The following PRC1 variants were observed in gnomAD, a reference collection of about 807,000 sequenced individuals.
PRC1 encodes the protein anaphase spindle elongation 1 homolog.
Under a neutral mutation model 91.2 loss-of-function variants are expected in PRC1, and 54 were observed. That is an observed-to-expected ratio of 0.59 (90% CI 0.48 to 0.74). PRC1 has a LOEUF of 0.74. Ranked by LOEUF, PRC1 falls within the 30% of genes least tolerant of loss-of-function variation. The pLI is 0.00. For missense variants in PRC1, 727 were observed against 746.2 expected, an observed-to-expected ratio of 0.97 and a Z score of 0.30; for synonymous variants, 275 against 263.6, an observed-to-expected ratio of 1.04 and a Z score of -0.42.
intron 14 of PRC1, chr15:90,967,879 CA>C: frequency 1.0e-6 from 1 of 985,444 alleles, no homozygotes. Context: ...GGTAAGTAGG[CA>C]ACAAGCTTTG....
rs2039427934 is a variant in PRC1 at position 90,984,322 on chromosome 15, G to A, written c.145-182C>T. The stretch of plus-strand genomic sequence containing the variant: ...CGGCTCACTGCAACCTCTACCTTCC[G>A]GGTTCAATAGATTCTCCTGTCTCAG... On this transcript the variant is annotated intron_variant, in intron 2 of 14. Transcript: ENST00000394249. This position sits in a 1 kb window ranked among gnomAD's most constrained non-coding sequence, Gnocchi z 5.1. Among the ~76,000 whole-genome samples, 2 of 152,048 alleles carry A rather than the reference G, an allele frequency of 1.3e-5. No homozygotes were observed. Among genetic ancestry groups the A allele is most frequent in the Non-Finnish European group, 2.9e-5 (2 of 68,022 alleles).
intron 12 of PRC1, 101 bp downstream of exon 12, chr15:90,970,303 C>A (rs781197674): frequency 1.2e-4 from 104 of 884,014 alleles, no homozygotes; most frequent in Middle Eastern, 6.4e-4. Context: ...CAATAAGAAC[C>A]AAATCCAGGG....
rs2151491565 is a variant in PRC1 at position 90,976,698 on chromosome 15, T to C, written c.1181A>G (p.Lys394Arg). Residue 394 changes from lysine to arginine, a missense_variant, in exon 9 of 15, where the codon AAG (lysine) becomes AGG (arginine). Physicochemically the swap from Lys to Arg is conservative, Grantham distance 26. Transcript: ENST00000394249. ...NLLKEEKQRAKLQKMLPKLEE... is the reference protein window; with the variant it reads ...NLLKEEKQRARLQKMLPKLEE... ...TACCTTGGGCAGCATTTTCTGGAGC[T>C]TGGCTCGTTGTTTTTCTTCTTTTAG... 3.7e-6 allele frequency: 6 copies of C among 1,613,300 alleles called. No individual in the cohort carries two copies. Among genetic ancestry groups the C allele is most frequent in the Non-Finnish European group, 5.1e-6 (6 of 1,179,262 alleles).
intron 13 of PRC1, 120 bp from the exon 14 acceptor site, chr15:90,969,240 TA>T (rs2037831256): frequency 7.9e-7 from 1 of 1,259,174 alleles, no homozygotes; most frequent in East Asian, 2.4e-5. Context: ...GGATCCAGGT[TA>T]AATGTCTAGT....
chr15:90,978,708 G>A (rs28708411), intron 8 of PRC1, among the ~76,000 whole-genome samples: 17,374 of 133,548 alleles, frequency 0.13, 2,099 homozygotes, highest in African/African-American at 0.33. Context: ...AGCCAAGATC[G>A]CACCATTGCA....
At chr15:90,982,006 T>C (rs982067871) in intron 3 of PRC1, 25 bp from the exon 4 acceptor site, 12 of 1,593,162 alleles carry the variant, frequency 7.5e-6, no homozygotes, top group Non-Finnish European at 9.5e-6. Flanking sequence ...GTACCACTGT[T>C]ATAAGATTCC....
chr15:90,969,228 A>C, intron 13 of PRC1, 108 bp from the exon 14 acceptor site: 5 of 1,311,642 alleles, frequency 3.8e-6, no homozygotes, highest in Non-Finnish European at 5.4e-6. Context: ...TATTAAGCAG[A>C]AGGATCCAGG....
chr15:90,979,419 G>T, intron 7 of PRC1, 125 bp from the exon 8 acceptor site: 1 of 1,125,914 alleles, frequency 8.9e-7, no homozygotes, highest in Non-Finnish European at 1.3e-6. Context: ...ACAGGAAGAG[G>T]CGTGTGTGTG....
chr15:90,984,570 A>G lies in PRC1; in HGVS notation c.144+123T>C. The G allele has an allele frequency of 7.0e-7, 1 of 1,424,648 alleles. No individual in the cohort carries two copies. The allele number at this position is 1,424,648 out of a possible 1,614,324, so 88.3% of individuals were successfully genotyped here. On this transcript the variant is annotated intron_variant, in intron 2 of 14. Coordinates refer to ENST00000394249, the MANE Select transcript of PRC1 (RefSeq NM_003981.4). This position sits in a 1 kb window ranked among gnomAD's most constrained non-coding sequence, Gnocchi z 5.1. ...AGGGACTTCAAAACCAAACCAAACC[A>G]AACAGGAAGAGCCTGTGCTATCCTA... is the stretch of plus-strand genomic sequence containing the variant.
At chr15:90,973,367 G>A (rs1355214202) in intron 11 of PRC1, among the ~76,000 whole-genome samples, 4 of 152,184 alleles carry the variant, frequency 2.6e-5, no homozygotes, top group South Asian at 2.1e-4. Flanking sequence ...CTCCATTCTC[G>A]ATTAACCAGG....
Position 90,969,763 on chromosome 15 carries a change from CATATATATAT to C in PRC1, c.1573-150_1573-141del, listed in dbSNP as rs61067469. On this transcript the variant is annotated intron_variant, in intron 12 of 14. Transcript: ENST00000394249. ...CTATACTTTTTAGTTAAAAAAAAAACATATATATATATATATATATATATATATATATATA... is the reference window on the plus strand; with the variant it reads ...CTATACTTTTTAGTTAAAAAAAAAACATATATATATATATATATATATATA... 555 of 130,848 alleles carry C rather than the reference CATATATATAT, an allele frequency of 4.2e-3. 3 individuals carry two copies. Among genetic ancestry groups the C allele is most frequent in the Admixed American group, 5.6e-3 (62 of 11,140 alleles). The allele number at this position is 130,848 out of a possible 1,614,324, so 8.1% of individuals were successfully genotyped here. A position where few individuals can be genotyped will look rare whatever the true frequency, so the allele number is the denominator to read the frequency against.
chr15:90,989,335 C>T lies in PRC1; in HGVS notation c.12-4510G>A, dbSNP rs7179428. Among the ~76,000 whole-genome samples, 23 of 151,428 alleles carry T rather than the reference C, an allele frequency of 1.5e-4. No individual in the cohort carries two copies. In the East Asian group the frequency reaches 3.3e-3, roughly 22 times the overall value. ...TGATCATAGCTCAACGCAGCCTCAACGCCCTGGGCTCAAGCAATTCTCCTA... is the reference window on the plus strand; with the variant it reads ...TGATCATAGCTCAACGCAGCCTCAATGCCCTGGGCTCAAGCAATTCTCCTA... On this transcript the variant is annotated intron_variant, in intron 1 of 14. Coordinates refer to ENST00000394249, the MANE Select transcript of PRC1 (RefSeq NM_003981.4).
chr15:90,967,064 T>C lies in PRC1; in HGVS notation c.*67A>G. 1 of 1,424,400 alleles carries C rather than the reference T, an allele frequency of 7.0e-7. No individual in the cohort carries two copies. The highest frequency in any genetic ancestry group is 9.9e-7 in the Non-Finnish European group (1 of 1,012,294). 88.2% of individuals were successfully genotyped at this position (1,424,400 alleles called of 1,614,324 possible). A position where few individuals can be genotyped will look rare whatever the true frequency, so the allele number is the denominator to read the frequency against. On this transcript the variant is annotated 3_prime_UTR_variant, in exon 15 of 15. Transcript: ENST00000394249. ...CGCCTAAGCTGAAGAAAAACTAAAG[T>C]CACCCCCATATAATTAGGTCCAGTC...
chr15:90,984,113 C>T lies in PRC1; in HGVS notation c.172G>A (p.Glu58Lys). 6.2e-7 allele frequency: 1 copy of T among 1,614,134 alleles called. No homozygotes were observed. Among genetic ancestry groups the T allele is most frequent in the Non-Finnish European group, 8.5e-7 (1 of 1,180,004 alleles). ...KELLDMMIAE[E>K]ESLKERLIKS... is the part of the protein sequence containing the mutation. ...ATGAGTCTTTCCTTCAGGCTTTCCT[C>T]TTCAGCAATCATCATATCCAGGAGT... is the stretch of plus-strand genomic sequence containing the variant. The change falls in exon 3 of 15, where the codon GAG becomes AAG. Residue 58 changes from glutamate (E) to lysine (K), a missense_variant. Glu to Lys is a moderately conservative substitution (Grantham distance 56). Transcript: ENST00000394249. The surrounding 1 kb of genome is among the most constrained non-coding windows in gnomAD (Gnocchi z 5.1).
chr15:90,969,711 A>C (rs1274649178), intron 12 of PRC1, 88 bp from the exon 13 acceptor site: 2 of 1,112,534 alleles, frequency 1.8e-6, no homozygotes, highest in Non-Finnish European at 2.4e-6. Context: ...AAAGGCTGAG[A>C]CTATCTTTAT....
intron 12 of PRC1, among the ~76,000 whole-genome samples, chr15:90,969,945 T>G (rs2037954586): frequency 6.6e-6 from 1 of 151,988 alleles, no homozygotes; most frequent in South Asian, 2.1e-4. Flanking sequence ...AAATATGAAT[T>G]CTTGATTTAC....
intron 14 of PRC1, chr15:90,968,118 C>G (rs147605366): frequency 1.9e-5 from 19 of 985,262 alleles, no homozygotes; most frequent in Admixed American, 6.2e-5. Context: ...CCAAACCAGA[C>G]GAACCTACCT....
intron 14 of PRC1, chr15:90,968,704 C>T: frequency 3.7e-6 from 4 of 1,071,548 alleles, no homozygotes; most frequent in Non-Finnish European, 2.3e-6. Flanking sequence ...AATCAGCACA[C>T]AGGCCAAGAG....
intron 8 of PRC1, 78 bp from the exon 9 acceptor site, chr15:90,976,849 C>T (rs189096405): frequency 2.9e-5 from 37 of 1,277,100 alleles, no homozygotes; most frequent in East Asian, 2.8e-4. Flanking sequence ...TCTTTGTTCT[C>T]GCCAGGCGTG....
Sources: allele counts gnomAD v4.1 joint callset (sites outside exome capture counted in the v4.1 genomes callset), GRCh38; gene constraint gnomAD v4.1.1; non-coding constraint Gnocchi (gnomAD v3.1); transcripts MANE v1.5; gene names NCBI Gene and HGNC (gene_info 2026-07-23, HGNC 2026-07-21).